TCF12: variants seen among roughly 807,000 people sequenced by gnomAD.
TCF12 encodes the protein DNA-binding protein HTF4.
Under a neutral mutation model 86.0 loss-of-function variants are expected in TCF12, and 45 were observed. That is an observed-to-expected ratio of 0.52 (90% CI 0.41 to 0.67). The LOEUF is 0.67. Ranked by LOEUF, TCF12 falls within the 30% of genes least tolerant of loss-of-function variation. The probability of loss-of-function intolerance (pLI) is 0.00; values close to 1 mark genes in which losing one functional copy is unlikely to be tolerated. For synonymous variants in TCF12, 330 were observed against 299.6 expected (o/e 1.10, Z -1.05); for missense variants, 881 against 859.9 (o/e 1.02, Z -0.31).
chr15:57,182,242 AAAAAT>A (rs146437838), intron 6 of TCF12, among the ~76,000 whole-genome samples: 1,758 of 152,270 alleles, frequency 0.012, 31 homozygotes, highest in African/African-American at 0.04. Flanking sequence ...TTAGGAGAAG[AAAAAT>A]AAAATAGTTG....
chr15:57,223,436 C>G (rs1359893930), intron 8 of TCF12, among the ~76,000 whole-genome samples: 1 of 151,998 alleles, frequency 6.6e-6, no homozygotes, highest in East Asian at 1.9e-4. Flanking sequence ...CACAAGGCCA[C>G]TCTTACAAAT....
intron 3 of TCF12, among the ~76,000 whole-genome samples, chr15:57,044,748 C>T (rs1228563374): frequency 6.6e-6 from 1 of 151,644 alleles, no homozygotes; most frequent in African/African-American, 2.4e-5. Flanking sequence ...ATGACATATT[C>T]TGCTTAGTAA....
At chr15:57,216,877 C>T (rs1393745271) in intron 8 of TCF12, among the ~76,000 whole-genome samples, 3 of 152,034 alleles carry the variant, frequency 2.0e-5, no homozygotes, top group Non-Finnish European at 4.4e-5. Context: ...TTTTCCATAG[C>T]ATACAAGTAG....
At chr15:57,213,911 T>G (rs1439415803) in intron 8 of TCF12, among the ~76,000 whole-genome samples, 2 of 152,242 alleles carry the variant, frequency 1.3e-5, no homozygotes, top group African/African-American at 4.8e-5. Context: ...TGCTGGTTTC[T>G]TAAGGAATTT....
chr15:57,170,719 ATAT>A (rs2055355323), intron 6 of TCF12, among the ~76,000 whole-genome samples: 6 of 2,390 alleles, frequency 2.5e-3, no homozygotes, highest in African/African-American at 6.3e-3. Flanking sequence ...TATAATATAT[ATAT>A]TATATATTAT....
At chr15:57,071,262 A>AG (rs1392128469) in intron 4 of TCF12, among the ~76,000 whole-genome samples, 1 of 151,794 alleles carries the variant, frequency 6.6e-6, no homozygotes, top group African/African-American at 2.4e-5. Flanking sequence ...GAAAAAAAAA[A>AG]AAATCCAGGT....
chr15:57,255,170 G>A (rs1272938514), intron 16 of TCF12, among the ~76,000 whole-genome samples: 2 of 152,220 alleles, frequency 1.3e-5, no homozygotes, highest in East Asian at 3.9e-4. Flanking sequence ...ATCAGCTACA[G>A]TATTTATTAT....
In TCF12 at chr15:57,286,550, G is replaced by GA. The variant is rs2061939826; in HGVS notation, c.*410dup. The stretch of plus-strand genomic sequence containing the variant: ...AAACTGTAAGGTCTACATATAAAGG[G>GA]AAAAAGTTAATGTGGAAAGCTGATC... On this transcript the variant is annotated 3_prime_UTR_variant, in exon 21 of 21. Transcript: ENST00000333725. 2.3e-6 allele frequency: 1 copy of GA among 431,876 alleles called. No homozygotes were observed. Among genetic ancestry groups the GA allele is most frequent in the African/African-American group, 2.1e-5 (1 of 46,868 alleles). The allele number at this position is 431,876 out of a possible 1,614,324, so 26.8% of individuals were successfully genotyped here.
intron 11 of TCF12, 76 bp downstream of exon 11, chr15:57,232,932 A>G (rs556453428): frequency 1.0e-6 from 1 of 984,198 alleles, no homozygotes; most frequent in Admixed American, 4.3e-5. Context: ...ATATATATAT[A>G]TGTATGTTTT....
At chr15:57,170,791 AATATATATATATAAT>A in intron 6 of TCF12, among the ~76,000 whole-genome samples, 1 of 22,366 alleles carries the variant, frequency 4.5e-5, no homozygotes, top group African/African-American at 1.6e-4. Context: ...ATATATATAT[AATATATATATATAAT>A]TTTTTTTTTT....
At chr15:57,028,682 G>C (rs1243816637) in intron 3 of TCF12, among the ~76,000 whole-genome samples, 1 of 152,034 alleles carries the variant, frequency 6.6e-6, no homozygotes, top group Non-Finnish European at 1.5e-5. Flanking sequence ...ATTTTGATAG[G>C]ATCATTTACC....
chr15:57,054,773 C>CTTTTTTTTTTTT (rs35859330), intron 3 of TCF12, among the ~76,000 whole-genome samples: 2 of 24,188 alleles, frequency 8.3e-5, no homozygotes, highest in African/African-American at 1.5e-4. Flanking sequence ...AATGCCTCTG[C>CTTTTTTTTTTTT]TTTTTTTTTT....
chr15:56,940,491 C>A (rs1237226152), intron 3 of TCF12, among the ~76,000 whole-genome samples: 4 of 101,754 alleles, frequency 3.9e-5, no homozygotes, highest in East Asian at 2.3e-4. Flanking sequence ...CCTCCTCCTC[C>A]TCCTCCTCCT....
At chr15:57,197,705 G>T in intron 7 of TCF12, 68 bp from the exon 8 acceptor site, 1 of 1,561,784 alleles carries the variant, frequency 6.4e-7, no homozygotes, top group Non-Finnish European at 8.7e-7. Flanking sequence ...AAGTTATTCT[G>T]TTAATTTGAA....
At chr15:57,161,195 G>C (rs2054483472) in intron 5 of TCF12, among the ~76,000 whole-genome samples, 1 of 152,176 alleles carries the variant, frequency 6.6e-6, no homozygotes. Flanking sequence ...TATGTCAAAA[G>C]AATAGCATTA....
chr15:57,192,031 G>A (rs1265688735), intron 6 of TCF12, 127 bp from the exon 7 acceptor site: 31 of 1,022,558 alleles, frequency 3.0e-5, no homozygotes, highest in Non-Finnish European at 4.3e-5. Context: ...AATTCAAAAC[G>A]TACTTAATGG....
At chr15:56,978,400 G>C (rs1197778651) in intron 3 of TCF12, among the ~76,000 whole-genome samples, 1 of 152,142 alleles carries the variant, frequency 6.6e-6, no homozygotes, top group Admixed American at 6.5e-5. Context: ...ATATGAACGA[G>C]AATGAAGTTC....
chr15:57,192,378 T>TC, intron 7 of TCF12, 85 bp downstream of exon 7: 1 of 1,513,372 alleles, frequency 6.6e-7, no homozygotes, highest in South Asian at 1.3e-5. Flanking sequence ...GCTATGCTTT[T>TC]TTTTTTTTTT....
intron 3 of TCF12, among the ~76,000 whole-genome samples, chr15:56,947,072 A>G (rs1269581555): frequency 6.6e-6 from 1 of 152,200 alleles, no homozygotes; most frequent in African/African-American, 2.4e-5. Flanking sequence ...TGCTAGGATT[A>G]CAGGCATGCA....
Sources: allele counts gnomAD v4.1 joint callset (sites outside exome capture counted in the v4.1 genomes callset), GRCh38; gene constraint gnomAD v4.1.1; transcripts MANE v1.5; gene names NCBI Gene and HGNC (gene_info 2026-07-23, HGNC 2026-07-21).